TMEM233: variants seen among roughly 807,000 people sequenced by gnomAD.
TMEM233 encodes the protein dispanin subfamily B member 2.
In TMEM233, 6 loss-of-function variants were observed where a neutral mutation model predicts 11.2. The ratio of observed to expected loss-of-function variants is 0.54; its 90% CI spans 0.29 to 1.06. The LOEUF is 1.06. Ranked by LOEUF, TMEM233 falls within the 50% of genes least tolerant of loss-of-function variation. The pLI, the probability that TMEM233 is intolerant of heterozygous loss-of-function variation, is 0.08. For missense variants in TMEM233, 127 were observed against 144.7 expected, an observed-to-expected ratio of 0.88 and a Z score of 0.63; for synonymous variants, 59 against 55.8, an observed-to-expected ratio of 1.06 and a Z score of -0.26.
In TMEM233 at chr12:119,629,835, A is replaced by G. The variant is rs1003663517; in HGVS notation, c.286A>G (p.Ile96Val). The G allele has an allele frequency of 6.4e-7, 1 of 1,550,588 alleles. No individual in the cohort carries two copies. The highest frequency in any genetic ancestry group is 8.7e-7 in the Non-Finnish European group (1 of 1,146,094). Residue 96 changes from isoleucine to valine, a missense_variant, in exon 2 of 3, where the codon ATC (isoleucine) becomes GTC (valine). Coordinates refer to ENST00000426426, the MANE Select transcript of TMEM233 (RefSeq NM_001136534.3). Reference sequence around the variant, plus strand: ...CGCCTCCATCATCATTGGCCTTCTCATCATCGGCATTTCTTGTGCAGTTCA... The same window carrying G: ...CGCCTCCATCATCATTGGCCTTCTCGTCATCGGCATTTCTTGTGCAGTTCA... ...AIASIIIGLL[I>V]IGISCAVHFT...
At chr12:119,612,732 C>G (rs1030129899) in intron 1 of TMEM233, among the ~76,000 whole-genome samples, 5 of 133,026 alleles carry the variant, frequency 3.8e-5, no homozygotes, top group African/African-American at 1.4e-4. Flanking sequence ...GCCTGGGCGA[C>G]AGACCAAGAC....
chr12:119,607,057 A>G (rs1353601177), intron 1 of TMEM233, among the ~76,000 whole-genome samples: 1 of 152,184 alleles, frequency 6.6e-6, no homozygotes, highest in African/African-American at 2.4e-5. Context: ...GTAGCCATAT[A>G]CCCATTCATT....
intron 1 of TMEM233, among the ~76,000 whole-genome samples, chr12:119,611,295 C>T (rs1055761685): frequency 2.0e-5 from 3 of 152,116 alleles, no homozygotes; most frequent in Non-Finnish European, 2.9e-5. Context: ...ATCCCACCAG[C>T]CCTGTACAAG....
At chr12:119,615,173 T>TAAAAAAAAAAAAACAAAAA (rs1954496648) in intron 1 of TMEM233, among the ~76,000 whole-genome samples, 1 of 56,184 alleles carries the variant, frequency 1.8e-5, no homozygotes, top group Non-Finnish European at 3.1e-5. Flanking sequence ...CGCTTTCTGC[T>TAAAAAAAAAAAAACAAAAA]AAAAAAAAAA....
intron 1 of TMEM233, among the ~76,000 whole-genome samples, chr12:119,599,975 C>T (rs1954127102): frequency 6.6e-6 from 1 of 152,080 alleles, no homozygotes; most frequent in South Asian, 2.1e-4. Flanking sequence ...GGACAGAAAT[C>T]GGAGAATTTC....
intron 2 of TMEM233, among the ~76,000 whole-genome samples, chr12:119,635,642 C>G (rs1186568713): frequency 6.6e-6 from 1 of 152,102 alleles, no homozygotes; most frequent in Non-Finnish European, 1.5e-5. Context: ...AGAGTCAGAT[C>G]CCACAGGTTA....
chr12:119,601,127 G>T (rs534683156), intron 1 of TMEM233, among the ~76,000 whole-genome samples: 1 of 152,026 alleles, frequency 6.6e-6, no homozygotes, highest in Non-Finnish European at 1.5e-5. Context: ...TATCAAATAA[G>T]CAATATAGAA....
chr12:119,601,877 A>G (rs1198236529), intron 1 of TMEM233, among the ~76,000 whole-genome samples: 3 of 152,216 alleles, frequency 2.0e-5, no homozygotes, highest in Admixed American at 6.5e-5. Flanking sequence ...GGAGTAAGTC[A>G]AGAAAAGGAC....
At chr12:119,648,748 G>GAATT in the TMEM233 span, among the ~76,000 whole-genome samples, 6 of 151,992 alleles carry the variant, frequency 3.9e-5, no homozygotes, top group African/African-American at 1.2e-4. Flanking sequence ...TTTAATGAAT[G>GAATT]AATGAATTAA....
chr12:119,625,292 A>C (rs892741154), intron 1 of TMEM233, among the ~76,000 whole-genome samples: 1 of 152,214 alleles, frequency 6.6e-6, no homozygotes, highest in Non-Finnish European at 1.5e-5. Context: ...CTGTGATTTC[A>C]GAATCAAGGA....
intron 2 of TMEM233, chr12:119,631,240 T>G (rs1399775621): frequency 6.6e-6 from 1 of 152,192 alleles, no homozygotes; most frequent in Non-Finnish European, 1.5e-5. Context: ...CCCATCAAAC[T>G]GAGAAGGTCA....
chr12:119,645,898 G>T (rs1955145327), downstream of TMEM233, among the ~76,000 whole-genome samples: 1 of 152,142 alleles, frequency 6.6e-6, no homozygotes, highest in South Asian at 2.1e-4. Flanking sequence ...AGTTGTACTA[G>T]TTGGAGTGAA....
At chr12:119,634,166 T>A (rs1954933573) in intron 2 of TMEM233, 1 of 749,748 alleles carries the variant, frequency 1.3e-6, no homozygotes, top group Non-Finnish European at 1.6e-6. Context: ...GGGAATGAAG[T>A]TGCCACCTAG....
chr12:119,643,629 G>A (rs1985743), downstream of TMEM233, among the ~76,000 whole-genome samples: 49,676 of 151,356 alleles, frequency 0.33, 8,506 homozygotes, highest in African/African-American at 0.39. Flanking sequence ...TTAGCCGGGC[G>A]TGGTGGCGGG....
intron 1 of TMEM233, among the ~76,000 whole-genome samples, chr12:119,599,189 A>C (rs1219075463): frequency 1.3e-5 from 2 of 152,228 alleles, no homozygotes; most frequent in African/African-American, 4.8e-5. Context: ...ACCCCTTCTA[A>C]GACCACTTAA....
intron 1 of TMEM233, among the ~76,000 whole-genome samples, chr12:119,599,260 T>C (rs1348139318): frequency 6.6e-6 from 1 of 152,210 alleles, no homozygotes; most frequent in Non-Finnish European, 1.5e-5. Flanking sequence ...ATAACTTAAT[T>C]GTAATTTTTA....
At chr12:119,615,747 C>A (rs1439676582) in intron 1 of TMEM233, among the ~76,000 whole-genome samples, 1 of 152,176 alleles carries the variant, frequency 6.6e-6, no homozygotes, top group Non-Finnish European at 1.5e-5. Flanking sequence ...CCACATTTTC[C>A]TGGCTTAGGG....
downstream of TMEM233, among the ~76,000 whole-genome samples, chr12:119,645,442 TC>T (rs1433717065): frequency 6.6e-6 from 1 of 151,896 alleles, no homozygotes; most frequent in East Asian, 1.9e-4. Context: ...TAAAAATATG[TC>T]CCTGCACCAA....
intron 1 of TMEM233, among the ~76,000 whole-genome samples, chr12:119,605,962 T>C (rs1429707120): frequency 6.6e-6 from 1 of 152,096 alleles, no homozygotes; most frequent in Non-Finnish European, 1.5e-5. Flanking sequence ...GAGACGAGCA[T>C]GAATGAATTA....
Sources: allele counts gnomAD v4.1 joint callset (sites outside exome capture counted in the v4.1 genomes callset), GRCh38; gene constraint gnomAD v4.1.1; transcripts MANE v1.5; gene names NCBI Gene and HGNC (gene_info 2026-07-23, HGNC 2026-07-21).